The following PALLD variants were observed in gnomAD, a reference collection of about 807,000 sequenced individuals.
The protein encoded by PALLD is palladin.
In PALLD, 61 loss-of-function variants were observed where a neutral mutation model predicts 123.5. The observed-to-expected ratio is 0.49, with a 90% confidence interval of 0.40 to 0.61. The LOEUF is 0.61. Among genes scored for constraint, PALLD ranks in the 20% least tolerant of loss-of-function variants. PALLD has a pLI of 0.00. For missense variants in PALLD, 1,273 were observed against 1,377.0 expected (o/e 0.92, Z 1.20); for synonymous variants, 465 against 496.4 (o/e 0.94, Z 0.84).
At chr4:168,847,926 A>G (rs1024935759) in intron 10 of PALLD, among the ~76,000 whole-genome samples, 1 of 152,230 alleles carries the variant, frequency 6.6e-6, no homozygotes, top group Non-Finnish European at 1.5e-5. Flanking sequence ...GAGAGAGCTA[A>G]TTAGCTGTAG....
chr4:168,522,065 A>C (rs1420649550), intron 2 of PALLD, among the ~76,000 whole-genome samples: 1 of 152,218 alleles, frequency 6.6e-6, no homozygotes, highest in Non-Finnish European at 1.5e-5. Flanking sequence ...GTCAATTTAG[A>C]ACACCTTCCA....
chr4:168,810,822 AAAAAG>A lies in PALLD; in HGVS notation c.1965-80095_1965-80091del, dbSNP rs1219192249. Among the ~76,000 whole-genome samples the A allele has an allele frequency of 8.2e-5, 11 of 133,434 alleles. 1 individual carries two copies. Among genetic ancestry groups the A allele is most frequent in the Non-Finnish European group, 9.3e-5 (6 of 64,778 alleles). 87.5% of individuals were successfully genotyped at this position (133,434 alleles called of 152,430 possible). On this transcript the variant is annotated intron_variant, in intron 10 of 21. Coordinates refer to ENST00000505667, the MANE Select transcript of PALLD (RefSeq NM_001166108.2). ...AGAGCGAGACTCCGTCTCAAAAAAA[AAAAAG>A]AAAAAAAAAGAAGAAGAAGAAGAAA...
At chr4:168,605,626 G>A (rs926426556) in intron 2 of PALLD, among the ~76,000 whole-genome samples, 5 of 152,202 alleles carry the variant, frequency 3.3e-5, no homozygotes, top group African/African-American at 1.2e-4. Context: ...AGCCTGGACT[G>A]AACGTGGGCT....
chr4:168,896,153 T>A, intron 12 of PALLD, among the ~76,000 whole-genome samples: 1 of 148,440 alleles, frequency 6.7e-6, no homozygotes, highest in Non-Finnish European at 1.5e-5. Context: ...GAGGTTACAG[T>A]GAGCCAAGAT....
At chr4:168,695,647 C>T (rs10014314) in intron 8 of PALLD, among the ~76,000 whole-genome samples, 32,619 of 152,000 alleles carry the variant, frequency 0.21, 4,123 homozygotes, top group African/African-American at 0.35. Context: ...TGAAATGAGG[C>T]TGGCTCATCC....
At chr4:168,603,752 C>T (rs986463558) in intron 2 of PALLD, among the ~76,000 whole-genome samples, 3 of 152,192 alleles carry the variant, frequency 2.0e-5, no homozygotes, top group South Asian at 2.1e-4. Flanking sequence ...AATTTGAACT[C>T]GTGTATTCTT....
intron 10 of PALLD, among the ~76,000 whole-genome samples, chr4:168,879,142 A>G (rs1752264155): frequency 1.3e-5 from 2 of 152,182 alleles, no homozygotes; most frequent in Non-Finnish European, 2.9e-5. Context: ...GAGATACATT[A>G]CATGCCTCCT....
intron 2 of PALLD, among the ~76,000 whole-genome samples, chr4:168,529,751 T>C (rs567863199): frequency 6.6e-6 from 1 of 152,270 alleles, no homozygotes; most frequent in Non-Finnish European, 1.5e-5. Context: ...ATCAAATAAT[T>C]ACAGACAAAA....
rs1762700059 is a variant in PALLD at position 168,927,410 on chromosome 4, CA to C, written c.*1231del. The C allele has an allele frequency of 4.3e-6, 1 of 232,746 alleles. No homozygotes were observed. 14.4% of individuals were successfully genotyped at this position (232,746 alleles called of 1,614,324 possible). A position where few individuals can be genotyped will look rare whatever the true frequency, so the allele number is the denominator to read the frequency against. On this transcript the variant is annotated 3_prime_UTR_variant, in exon 22 of 22. Coordinates refer to ENST00000505667, the MANE Select transcript of PALLD (RefSeq NM_001166108.2). ...TGGAGCACACATGCTGTGGAGCACA[CA>C]TGCTGTGGAGATTGCAGTGTGTCTG...
At chr4:168,672,790 C>T (rs926549228) in intron 3 of PALLD, among the ~76,000 whole-genome samples, 2 of 152,064 alleles carry the variant, frequency 1.3e-5, no homozygotes, top group Admixed American at 1.3e-4. Flanking sequence ...AGTTAAGCAC[C>T]GCATGTTCTC....
intron 17 of PALLD, among the ~76,000 whole-genome samples, chr4:168,921,218 C>G (rs1487030297): frequency 6.6e-6 from 1 of 151,834 alleles, no homozygotes; most frequent in South Asian, 2.1e-4. Flanking sequence ...CCAGCCCGGC[C>G]AACATAGTGA....
chr4:168,739,065 A>C (rs554251550), intron 10 of PALLD, among the ~76,000 whole-genome samples: 1 of 152,092 alleles, frequency 6.6e-6, no homozygotes, highest in South Asian at 2.1e-4. Flanking sequence ...TTACACAATG[A>C]TCTCCCATTC....
At chr4:168,815,022 C>T (rs979371553) in intron 10 of PALLD, among the ~76,000 whole-genome samples, 12 of 152,180 alleles carry the variant, frequency 7.9e-5, no homozygotes, top group African/African-American at 2.9e-4. Context: ...CCACCTGCCT[C>T]GGCCTCCCAA....
chr4:168,610,897 G>A lies in PALLD; in HGVS notation c.909-57293G>A, dbSNP rs555073321. ...GTTCTTTTCTCCATGGGTACAGGGT[G>A]ACCTCTTTGCCACAACTAATAAAAG... On this transcript the variant is annotated intron_variant, in intron 2 of 21. Transcript: ENST00000505667. Among the ~76,000 whole-genome samples the A allele has an allele frequency of 5.9e-5, 9 of 152,284 alleles. No homozygotes were observed. The South Asian group carries it at 1.9e-3, about 32-fold the overall frequency.
At chr4:168,907,344 A>C (rs1233592852) in intron 15 of PALLD, among the ~76,000 whole-genome samples, 4 of 152,196 alleles carry the variant, frequency 2.6e-5, no homozygotes, top group South Asian at 2.1e-4. Flanking sequence ...CAGTACTGTC[A>C]GAAAGTAAGC....
intron 2 of PALLD, among the ~76,000 whole-genome samples, chr4:168,617,436 G>A (rs2149787604): frequency 6.6e-6 from 1 of 152,322 alleles, no homozygotes; most frequent in South Asian, 2.1e-4. Flanking sequence ...GATGAGATAT[G>A]GAGATGGGTT....
intron 10 of PALLD, among the ~76,000 whole-genome samples, chr4:168,802,508 A>G (rs1239095247): frequency 1.3e-5 from 2 of 152,252 alleles, no homozygotes; most frequent in African/African-American, 4.8e-5. Flanking sequence ...CTCACTTTCA[A>G]GTGGAAGCTA....
At chr4:168,664,223 C>T (rs62333886) in intron 2 of PALLD, among the ~76,000 whole-genome samples, 4,532 of 152,142 alleles carry the variant, frequency 0.03, 122 homozygotes, top group South Asian at 0.055. Context: ...CTGTTTCTTC[C>T]ATGGAATTTG....
chr4:168,802,754 C>G (rs968875668), intron 10 of PALLD, among the ~76,000 whole-genome samples: 5 of 152,018 alleles, frequency 3.3e-5, no homozygotes, highest in Middle Eastern at 3.4e-3. Context: ...GCAATGGCAC[C>G]ATGTCGGCTC....
Sources: gnomAD v4.1 joint callset for allele counts (sites outside exome capture counted in the v4.1 genomes callset) on GRCh38, gnomAD v4.1.1 for gene constraint, MANE v1.5 for transcripts, NCBI Gene and HGNC (gene_info 2026-07-23, HGNC 2026-07-21) for gene names.